Variants in CTNNA3 observed in about 807,000 individuals in gnomAD.
CTNNA3 encodes the protein catenin alpha-3.
Under a neutral mutation model 95.7 loss-of-function variants are expected in CTNNA3, and 76 were observed. The observed-to-expected ratio is 0.79, with a 90% confidence interval of 0.66 to 0.96. The LOEUF (loss-of-function observed/expected upper bound fraction) is 0.96, where lower values mean the gene tolerates loss of function less well. Ranked by LOEUF, CTNNA3 falls within the 40% of genes least tolerant of loss-of-function variation. The pLI is 0.00. For synonymous variants in CTNNA3, 431 were observed against 374.4 expected, an observed-to-expected ratio of 1.15 and a Z score of -1.74; for missense variants, 1,191 against 1,089.8, an observed-to-expected ratio of 1.09 and a Z score of -1.31.
chr10:66,255,338 G>C (rs1489360531), intron 13 of CTNNA3, among the ~76,000 whole-genome samples: 1 of 151,928 alleles, frequency 6.6e-6, no homozygotes, highest in Middle Eastern at 3.2e-3. Context: ...ACCCAACATG[G>C]GTTCAACTCA....
At chr10:66,240,108 A>G (rs975862674) in intron 13 of CTNNA3, among the ~76,000 whole-genome samples, 1 of 151,972 alleles carries the variant, frequency 6.6e-6, no homozygotes, top group Non-Finnish European at 1.5e-5. Flanking sequence ...TTTTTATTAT[A>G]ATGGTAATTG....
chr10:67,674,672 T>C (rs1840503916), intron 1 of CTNNA3, among the ~76,000 whole-genome samples: 1 of 152,158 alleles, frequency 6.6e-6, no homozygotes, highest in African/African-American at 2.4e-5. Flanking sequence ...ATTGTTTTGA[T>C]TTGCACTTCT....
chr10:66,338,741 G>C (rs1308116351), intron 12 of CTNNA3, among the ~76,000 whole-genome samples: 2 of 151,848 alleles, frequency 1.3e-5, no homozygotes, highest in Non-Finnish European at 2.9e-5. Flanking sequence ...AGTTGGAACT[G>C]AGCAGATTAG....
chr10:66,241,285 T>C (rs570611840), intron 13 of CTNNA3, among the ~76,000 whole-genome samples: 115 of 152,326 alleles, frequency 7.5e-4, no homozygotes, highest in African/African-American at 2.6e-3. Context: ...ATGCCAGATG[T>C]TACAGTTGAA....
chr10:67,563,829 A>G (rs10997717), intron 3 of CTNNA3, among the ~76,000 whole-genome samples: 21,512 of 147,924 alleles, frequency 0.15, 3,851 homozygotes, highest in African/African-American at 0.43. Context: ...AAAAATGGGC[A>G]AAGGATATGA....
intron 1 of CTNNA3, among the ~76,000 whole-genome samples, chr10:67,668,979 C>T (rs890709932): frequency 6.6e-6 from 1 of 151,836 alleles, no homozygotes; most frequent in Non-Finnish European, 1.5e-5. Flanking sequence ...GCTGGGATTA[C>T]AGGCACTCGC....
At chr10:66,333,033 C>T (rs528849792) in intron 12 of CTNNA3, among the ~76,000 whole-genome samples, 1 of 152,046 alleles carries the variant, frequency 6.6e-6, no homozygotes, top group South Asian at 2.1e-4. Flanking sequence ...TTATAGTATT[C>T]TCTGATGGTA....
chr10:67,399,922 A>T (rs1835525133), intron 5 of CTNNA3, among the ~76,000 whole-genome samples: 1 of 151,636 alleles, frequency 6.6e-6, no homozygotes, highest in Non-Finnish European at 1.5e-5. Context: ...TTTAATTACA[A>T]TTTTTTTTTA....
intron 16 of CTNNA3, among the ~76,000 whole-genome samples, chr10:65,977,774 G>A (rs567361244): frequency 3.3e-5 from 5 of 151,782 alleles, no homozygotes; most frequent in East Asian, 3.9e-4. Context: ...GAGAGACTCC[G>A]TCTCAAAAAT....
In CTNNA3 at chr10:66,503,271, T is replaced by C. The variant is rs116781041; in HGVS notation, c.1531+17346A>G. Among the ~76,000 whole-genome samples, 388 of 152,316 alleles carry C rather than the reference T, an allele frequency of 2.5e-3. 3 individuals carry two copies. The highest frequency in any genetic ancestry group is 8.6e-3 in the African/African-American group (358 of 41,570). Reference sequence around the variant, plus strand: ...GTTTTGTCTGTTCTACTGGTTGTTCTATCTTTAAAACAGTCCTATCACCTA... The same window carrying C: ...GTTTTGTCTGTTCTACTGGTTGTTCCATCTTTAAAACAGTCCTATCACCTA... On this transcript the variant is annotated intron_variant, in intron 11 of 17. Coordinates refer to ENST00000433211, the MANE Select transcript of CTNNA3 (RefSeq NM_013266.4).
At position 67,607,272 on chromosome 10, in the gene CTNNA3, A is replaced by G. The variant is rs563177685; in HGVS notation, c.100-223T>C. The stretch of plus-strand genomic sequence containing the variant: ...GTTGACCAGAAGCCTGATAACATAA[A>G]TAGTCAATTAACACAGATTTTGTAT... On this transcript the variant is annotated intron_variant, in intron 2 of 17. Coordinates refer to ENST00000433211, the MANE Select transcript of CTNNA3 (RefSeq NM_013266.4). 7.2e-5 allele frequency among the ~76,000 whole-genome samples: 11 copies of G among 152,300 alleles called. No homozygotes were observed. In the South Asian group the frequency reaches 1.0e-3, roughly 14 times the overall value.
At chr10:66,410,794 G>A (rs1207854062) in intron 11 of CTNNA3, among the ~76,000 whole-genome samples, 2 of 152,060 alleles carry the variant, frequency 1.3e-5, no homozygotes, top group African/African-American at 2.4e-5. Context: ...TGTACTGTTC[G>A]TGTTTGGAAT....
intron 15 of CTNNA3, among the ~76,000 whole-genome samples, chr10:66,053,732 G>A (rs2080012161): frequency 6.6e-6 from 1 of 152,014 alleles, no homozygotes; most frequent in Non-Finnish European, 1.5e-5. Flanking sequence ...AAGGGTGGCT[G>A]TGGTATCTAA....
rs144706129 is a variant in CTNNA3 at position 66,464,258 on chromosome 10, A to G, written c.1531+56359T>C. On this transcript the variant is annotated intron_variant, in intron 11 of 17. Transcript: ENST00000433211. ...GATCATAATAAGTCTAAATTTTTCAACTAAAGAATCTAAATGTAGTTGTTA... is the reference window on the plus strand; with the variant it reads ...GATCATAATAAGTCTAAATTTTTCAGCTAAAGAATCTAAATGTAGTTGTTA... Among the ~76,000 whole-genome samples, 13 of 152,250 alleles carry G rather than the reference A, an allele frequency of 8.5e-5. No homozygotes were observed. In the East Asian group the frequency reaches 2.5e-3, roughly 29 times the overall value.
At chr10:66,280,159 A>G (rs373616888) in intron 13 of CTNNA3, among the ~76,000 whole-genome samples, 17 of 152,180 alleles carry the variant, frequency 1.1e-4, no homozygotes, top group African/African-American at 3.9e-4. Context: ...AAATTACTTT[A>G]TGTATTTTTC....
intron 7 of CTNNA3, among the ~76,000 whole-genome samples, chr10:66,855,687 T>G (rs1438472426): frequency 6.6e-6 from 1 of 152,040 alleles, no homozygotes; most frequent in African/African-American, 2.4e-5. Flanking sequence ...AGGTACCATG[T>G]AGCAATAATT....
chr10:66,494,671 G>A (rs141387775), intron 11 of CTNNA3, among the ~76,000 whole-genome samples: 2 of 152,300 alleles, frequency 1.3e-5, no homozygotes, highest in African/African-American at 4.8e-5. Context: ...GAGTTTGGAA[G>A]TTTAGGACAT....
intron 7 of CTNNA3, among the ~76,000 whole-genome samples, chr10:67,153,598 A>G (rs1031455837): frequency 6.6e-6 from 1 of 152,214 alleles, no homozygotes; most frequent in African/African-American, 2.4e-5. Flanking sequence ...GATCTTTCTA[A>G]CCTCCACTTT....
At chr10:66,944,191 T>C (rs887077585) in intron 7 of CTNNA3, among the ~76,000 whole-genome samples, 3 of 152,254 alleles carry the variant, frequency 2.0e-5, no homozygotes, top group African/African-American at 7.2e-5. Flanking sequence ...CACTGCTTCA[T>C]CAAATAAGTT....
Sources: gnomAD v4.1 joint callset for allele counts (sites outside exome capture counted in the v4.1 genomes callset) on GRCh38, gnomAD v4.1.1 for gene constraint, MANE v1.5 for transcripts, NCBI Gene and HGNC (gene_info 2026-07-23, HGNC 2026-07-21) for gene names.